The following DLC1 variants were observed in gnomAD, a reference collection of about 807,000 sequenced individuals.
DLC1 encodes DLC1 Rho GTPase activating protein, also known as rho GTPase-activating protein 7.
Under a neutral mutation model 140.3 loss-of-function variants are expected in DLC1, and 54 were observed. The observed-to-expected ratio is 0.38, with a 90% CI of 0.31 to 0.48. DLC1 has a LOEUF of 0.48. Among genes scored for constraint, DLC1 ranks in the 20% least tolerant of loss-of-function variants. The pLI, the probability that DLC1 is intolerant of heterozygous loss-of-function variation, is 0.96. For synonymous variants in DLC1, 986 were observed against 728.1 expected, an observed-to-expected ratio of 1.35 and a Z score of -5.70; for missense variants, 2,536 against 1,907.0, an observed-to-expected ratio of 1.33 and a Z score of -6.14.
chr8:13,233,439 T>C (rs985588374), intron 5 of DLC1, among the ~76,000 whole-genome samples: 2 of 152,054 alleles, frequency 1.3e-5, no homozygotes, highest in African/African-American at 4.8e-5. Flanking sequence ...TATTTTTATA[T>C]GGAAGAGATT....
chr8:13,276,704 C>T, intron 5 of DLC1: 1 of 734,674 alleles, frequency 1.4e-6, no homozygotes, highest in South Asian at 6.1e-5. Flanking sequence ...CCTGGGTCCG[C>T]GCCGGGCTGC....
At chr8:13,578,602 G>T (rs951867740) in intron 1 of DLC1, among the ~76,000 whole-genome samples, 2 of 152,098 alleles carry the variant, frequency 1.3e-5, no homozygotes, top group African/African-American at 4.8e-5. Flanking sequence ...ATAAATCCAG[G>T]GTTCCCAGGA....
intron 5 of DLC1, among the ~76,000 whole-genome samples, chr8:13,221,837 T>G (rs1201197409): frequency 1.4e-5 from 2 of 144,316 alleles, no homozygotes; most frequent in South Asian, 2.1e-4. Flanking sequence ...CATCAAAATA[T>G]TAATATAAAA....
At chr8:13,567,763 C>G (rs767759297) in intron 1 of DLC1, 2 of 1,551,858 alleles carry the variant, frequency 1.3e-6, no homozygotes, top group East Asian at 2.4e-5. Flanking sequence ...TTCAGATGAC[C>G]CCAGAATAAT....
intron 5 of DLC1, among the ~76,000 whole-genome samples, chr8:13,117,041 T>G (rs1214186975): frequency 6.6e-6 from 1 of 152,228 alleles, no homozygotes; most frequent in Non-Finnish European, 1.5e-5. Context: ...GAGCTTACTT[T>G]TTTTTCGTAT....
intron 5 of DLC1, among the ~76,000 whole-genome samples, chr8:13,174,110 G>A (rs2116941520): frequency 6.6e-6 from 1 of 152,196 alleles, no homozygotes; most frequent in South Asian, 2.1e-4. Flanking sequence ...GGGGACTGTG[G>A]TATTTGGTTT....
At chr8:13,089,030 G>C (rs576530693) in intron 15 of DLC1, among the ~76,000 whole-genome samples, 6 of 152,034 alleles carry the variant, frequency 3.9e-5, no homozygotes, top group Non-Finnish European at 8.8e-5. Context: ...AAGCCGAGGC[G>C]GGTGGATCAT....
intron 5 of DLC1, among the ~76,000 whole-genome samples, chr8:13,283,210 A>C (rs1176940937): frequency 2.6e-5 from 4 of 152,040 alleles, no homozygotes; most frequent in Admixed American, 2.0e-4. Flanking sequence ...TAGGACTCAA[A>C]AGATTGCAGT....
At chr8:13,456,793 A>T (rs1172948128) in intron 2 of DLC1, among the ~76,000 whole-genome samples, 1 of 152,112 alleles carries the variant, frequency 6.6e-6, no homozygotes, top group African/African-American at 2.4e-5. Flanking sequence ...CTTTGGTTTG[A>T]ATGCTGAGAT....
At chr8:13,164,018 C>T (rs756140767) in intron 5 of DLC1, among the ~76,000 whole-genome samples, 44 of 151,882 alleles carry the variant, frequency 2.9e-4, no homozygotes, top group Non-Finnish European at 5.0e-4. Context: ...AATTCTCAGC[C>T]GGGCGTGGTG....
chr8:13,107,859 A>G (rs891574766), intron 7 of DLC1, among the ~76,000 whole-genome samples: 1 of 152,132 alleles, frequency 6.6e-6, no homozygotes, highest in Non-Finnish European at 1.5e-5. Context: ...CCTGGCCAGT[A>G]TGGTGAAACC....
chr8:13,276,176 C>A (rs1383602671), intron 5 of DLC1: 2 of 1,495,136 alleles, frequency 1.3e-6, no homozygotes, highest in Admixed American at 2.1e-5. Context: ...CATTCATGAA[C>A]CAAGCTTATC....
chr8:13,384,874 G>A (rs1563303045), intron 4 of DLC1, among the ~76,000 whole-genome samples: 1 of 152,038 alleles, frequency 6.6e-6, no homozygotes, highest in African/African-American at 2.4e-5. Flanking sequence ...GCAACTTCGT[G>A]GGGATGCTCT....
chr8:13,156,011 A>T (rs931901620), intron 5 of DLC1, among the ~76,000 whole-genome samples: 4 of 152,186 alleles, frequency 2.6e-5, no homozygotes, highest in Non-Finnish European at 4.4e-5. Flanking sequence ...TTCTAGATAT[A>T]TCCCTCATTT....
At chr8:13,315,533 T>A (rs1227169731) in intron 4 of DLC1, among the ~76,000 whole-genome samples, 2 of 152,222 alleles carry the variant, frequency 1.3e-5, no homozygotes, top group African/African-American at 4.8e-5. Context: ...GACAGGTTAA[T>A]TTAGAGATGA....
chr8:13,554,677 C>T (rs1414414193), intron 1 of DLC1, among the ~76,000 whole-genome samples: 3 of 152,128 alleles, frequency 2.0e-5, no homozygotes, highest in African/African-American at 7.2e-5. Flanking sequence ...GAAATATGGT[C>T]CTTTCTTACC....
rs35079610 is a variant in DLC1, at chr8:13,143,813, T to TGAGAGAGAGAGAGAGAGAGAGAGAGA, written c.1349-28182_1349-28157dup. On this transcript the variant is annotated intron_variant, in intron 5 of 17. Transcript: ENST00000276297. The stretch of plus-strand genomic sequence containing the variant: ...GATGTTGAAAGACCAAATGAAAAGC[T>TGAGAGAGAGAGAGAGAGAGAGAGAGA]GAGAGAGAGAGAGAGAGAGAGAGAG... Among the ~76,000 whole-genome samples the TGAGAGAGAGAGAGAGAGAGAGAGAGA allele has an allele frequency of 1.2e-3, 158 of 128,680 alleles. 3 individuals carry two copies. Among genetic ancestry groups the TGAGAGAGAGAGAGAGAGAGAGAGAGA allele is most frequent in the African/African-American group, 2.7e-3 (88 of 32,146 alleles). 84.4% of individuals were successfully genotyped at this position (128,680 alleles called of 152,430 possible).
At chr8:13,196,633 C>G (rs924586368) in intron 5 of DLC1, among the ~76,000 whole-genome samples, 3 of 152,168 alleles carry the variant, frequency 2.0e-5, no homozygotes, top group African/African-American at 7.2e-5. Context: ...CTTACAGTTC[C>G]TCTGAAACTG....
intron 2 of DLC1, among the ~76,000 whole-genome samples, chr8:13,491,597 C>G (rs1402029217): frequency 1.8e-4 from 28 of 152,210 alleles, no homozygotes; most frequent in Admixed American, 1.8e-3. Context: ...ATAACATTTA[C>G]TACTCATCGT....
Sources: allele counts gnomAD v4.1 joint callset (sites outside exome capture counted in the v4.1 genomes callset), GRCh38; gene constraint gnomAD v4.1.1; transcripts MANE v1.5; gene names NCBI Gene and HGNC (gene_info 2026-07-23, HGNC 2026-07-21).